Variants in AK9 observed in about 807,000 individuals in gnomAD.
AK9 encodes adenylate kinase 9.
In AK9, 191 loss-of-function variants were observed where a neutral mutation model predicts 239.6. The ratio of observed to expected loss-of-function variants is 0.80; its 90% confidence interval spans 0.71 to 0.90. AK9 has a LOEUF of 0.90. Among genes scored for constraint, AK9 ranks in the 40% least tolerant of loss-of-function variants. AK9 has a pLI of 0.00. For synonymous variants in AK9, 689 were observed against 721.0 expected (o/e 0.96, Z 0.71); for missense variants, 1,995 against 2,214.7 (o/e 0.90, Z 1.99).
rs530910861 is a variant in AK9, at chr6:109,600,521, A to G, written c.1842+9844T>C. Reference sequence around the variant, plus strand: ...ATTTTTGCATCGATGTTCATCAGGGATATTGGTCTACAATTCTCTTTTTTT... The same window carrying G: ...ATTTTTGCATCGATGTTCATCAGGGGTATTGGTCTACAATTCTCTTTTTTT... On this transcript the variant is annotated intron_variant, in intron 17 of 40. Coordinates refer to ENST00000424296, the MANE Select transcript of AK9 (RefSeq NM_001145128.3). Among the ~76,000 whole-genome samples the G allele has an allele frequency of 1.3e-3, 197 of 152,246 alleles. 2 individuals carry two copies. The South Asian group carries it at 0.038, about 30-fold the overall frequency.
At chr6:109,610,208 C>T (rs1446989498) in intron 17 of AK9, among the ~76,000 whole-genome samples, 157 bp downstream of exon 17, 1 of 152,172 alleles carries the variant, frequency 6.6e-6, no homozygotes, top group Non-Finnish European at 1.5e-5. Flanking sequence ...CACTGGGGTA[C>T]TTCGCACTTA....
At chr6:109,602,497 G>T (rs1792164901) in intron 17 of AK9, among the ~76,000 whole-genome samples, 2 of 152,152 alleles carry the variant, frequency 1.3e-5, no homozygotes, top group Non-Finnish European at 2.9e-5. Context: ...CTCTCTGGCT[G>T]CCCTTAACAT....
chr6:109,682,529 A>C (rs957790611), intron 1 of AK9, among the ~76,000 whole-genome samples: 1 of 152,168 alleles, frequency 6.6e-6, no homozygotes, highest in Non-Finnish European at 1.5e-5. Context: ...AAAAGACAGA[A>C]GAATCAAATA....
At chr6:109,593,578 C>A (rs1056518006) in intron 17 of AK9, among the ~76,000 whole-genome samples, 1 of 152,106 alleles carries the variant, frequency 6.6e-6, no homozygotes, top group East Asian at 1.9e-4. Flanking sequence ...AAATTTCAGG[C>A]CAATATCCCT....
At chr6:109,659,557 G>C in intron 6 of AK9, 144 bp from the exon 7 acceptor site, 1 of 1,105,198 alleles carries the variant, frequency 9.0e-7, no homozygotes, top group South Asian at 1.9e-5. Flanking sequence ...CTGGCATTTT[G>C]CATCAGGTTT....
intron 35 of AK9, among the ~76,000 whole-genome samples, chr6:109,501,756 C>T (rs2128100642): frequency 6.6e-6 from 1 of 152,298 alleles, no homozygotes; most frequent in Non-Finnish European, 1.5e-5. Flanking sequence ...TTCTGAGTCC[C>T]AGAAGAAAGG....
intron 24 of AK9, among the ~76,000 whole-genome samples, chr6:109,554,664 T>C (rs1487662415): frequency 1.3e-5 from 2 of 151,588 alleles, no homozygotes; most frequent in Non-Finnish European, 2.9e-5. Flanking sequence ...CTCGAGTAGC[T>C]GGGATTACAG....
chr6:109,520,092 G>A (rs1176397066), intron 29 of AK9, among the ~76,000 whole-genome samples: 1 of 152,088 alleles, frequency 6.6e-6, no homozygotes, highest in Non-Finnish European at 1.5e-5. Flanking sequence ...CTGTGCAGAA[G>A]CTCCATAGTC....
In AK9 at chr6:109,514,223, C is replaced by T. The variant is rs1779036130; in HGVS notation, c.4279+1G>A. The stretch of plus-strand genomic sequence containing the variant: ...GAAAACAAAGGCAAACATACGCTCA[C>T]CTGTAGTTTTCCCAGATTTTGGAGG... On this transcript the variant is annotated splice_donor_variant, in intron 32 of 40. Coordinates refer to ENST00000424296, the MANE Select transcript of AK9 (RefSeq NM_001145128.3). LOFTEE classifies it high-confidence loss of function. 1 of 1,549,648 alleles carries T rather than the reference C, an allele frequency of 6.5e-7. No individual in the cohort carries two copies. Among genetic ancestry groups the T allele is most frequent in the African/African-American group, 1.4e-5 (1 of 72,944 alleles).
Position 109,494,055 on chromosome 6 carries a change from C to G in AK9, c.5459G>C (p.Gly1820Ala), listed in dbSNP as rs886622374. ...TSLIKAMNAA[G>A]CLKPKFPFLS... ...AAAGGGGAACTTGGGCTTTAAGCAT[C>G]CCGCTGCATTCATTGCTTTAATTAG... The change falls in exon 40 of 41, where the codon GGA (glycine) becomes GCA (alanine). Residue 1820 changes from glycine (G) to alanine (A), a missense_variant. Gly to Ala is a moderately conservative substitution (Grantham distance 60, BLOSUM62 0). This residue lies in a region of AK9 where 391 missense variants were observed against 456.0 expected (regional missense o/e 0.86). Transcript: ENST00000424296. The G allele has an allele frequency of 6.2e-7, 1 of 1,613,622 alleles. No homozygotes were observed. Among genetic ancestry groups the G allele is most frequent in the Non-Finnish European group, 8.5e-7 (1 of 1,179,604 alleles).
intron 21 of AK9, among the ~76,000 whole-genome samples, chr6:109,565,767 G>A (rs1786399986): frequency 1.3e-5 from 2 of 152,060 alleles, no homozygotes; most frequent in Admixed American, 6.6e-5. Flanking sequence ...ATAGACAAAA[G>A]TACATATATC....
intron 29 of AK9, among the ~76,000 whole-genome samples, chr6:109,524,220 T>C (rs1297927776): frequency 6.6e-6 from 1 of 151,916 alleles, no homozygotes; most frequent in Non-Finnish European, 1.5e-5. Context: ...AAATACAATA[T>C]TTGAAATTAA....
Position 109,632,967 on chromosome 6 carries a change from T to G in AK9, c.1210A>C (p.Lys404Gln). The G allele has an allele frequency of 6.2e-7, 1 of 1,613,412 alleles. No homozygotes were observed. The highest frequency in any genetic ancestry group is 1.1e-5 in the South Asian group (1 of 90,914). Residue 404 changes from lysine (K) to glutamine (Q), a missense_variant, in exon 12 of 41, where the codon AAA (lysine) becomes CAA (glutamine). Transcript: ENST00000424296. ...GCAAGCATATTGCAAAGTGTTGTTTTCCCTGAATATTGAGGTCCAAGTATG... is the reference window on the plus strand; with the variant it reads ...GCAAGCATATTGCAAAGTGTTGTTTGCCCTGAATATTGAGGTCCAAGTATG... Reference protein sequence around the residue: ...VFILGPQYSGKTTLCNMLAEN... With the variant: ...VFILGPQYSGQTTLCNMLAEN...
intron 8 of AK9, among the ~76,000 whole-genome samples, chr6:109,647,368 G>A (rs191052963): frequency 0.047 from 7,129 of 152,200 alleles, 194 homozygotes; most frequent in South Asian, 0.089. Context: ...GACACACATA[G>A]GCTCAAAATA....
At chr6:109,509,097 T>C (rs1266531188) in intron 33 of AK9, 82 bp downstream of exon 33, 7 of 1,333,388 alleles carry the variant, frequency 5.2e-6, no homozygotes, top group African/African-American at 3.0e-5. Context: ...TTAAGCCCCA[T>C]GTAAGTGTTT....
intron 17 of AK9, among the ~76,000 whole-genome samples, chr6:109,597,190 T>C (rs1791152344): frequency 6.6e-6 from 1 of 152,178 alleles, no homozygotes; most frequent in African/African-American, 2.4e-5. Context: ...TTTAAAGTCT[T>C]TTCATACACA....
At chr6:109,676,848 T>C (rs1301003545) in intron 1 of AK9, among the ~76,000 whole-genome samples, 1 of 152,000 alleles carries the variant, frequency 6.6e-6, no homozygotes, top group African/African-American at 2.4e-5. Flanking sequence ...TCAACCTCAA[T>C]GCCCATCAGT....
At position 109,564,364 on chromosome 6, in the gene AK9, G is replaced by C; in HGVS notation, c.2435-84C>G. 5 of 1,079,686 alleles carry C rather than the reference G, an allele frequency of 4.6e-6. 1 individual carries two copies. Among genetic ancestry groups the C allele is most frequent in the Non-Finnish European group, 6.4e-6 (5 of 779,468 alleles). The allele number at this position is 1,079,686 out of a possible 1,614,324, so 66.9% of individuals were successfully genotyped here. On this transcript the variant is annotated intron_variant, in intron 22 of 40. Coordinates refer to ENST00000424296, the MANE Select transcript of AK9 (RefSeq NM_001145128.3). ...ATATTGCCAAAATAGCTTATACTTT[G>C]CAATTTTTTTAAACAGTTAAAAAAA...
intron 1 of AK9, among the ~76,000 whole-genome samples, chr6:109,682,639 G>C (rs755087715): frequency 6.6e-6 from 1 of 151,922 alleles, no homozygotes; most frequent in African/African-American, 2.4e-5. Context: ...AAATAAACTA[G>C]AAAATTTAGA....
Sources: allele counts gnomAD v4.1 joint callset (sites outside exome capture counted in the v4.1 genomes callset), GRCh38; gene constraint gnomAD v4.1.1; regional missense constraint gnomAD v4.1.1; transcripts MANE v1.5; gene names NCBI Gene and HGNC (gene_info 2026-07-23, HGNC 2026-07-21).